POLR2K: variants seen among roughly 807,000 people sequenced by gnomAD.
POLR2K encodes DNA-directed RNA polymerases I, II, and III subunit RPABC4.
Under a neutral mutation model 10.1 loss-of-function variants are expected in POLR2K, and 9 were observed. The observed-to-expected ratio is 0.89, with a 90% CI of 0.54 to 1.56. The LOEUF is 1.56. Among genes scored for constraint, POLR2K ranks in the 40% most tolerant of loss-of-function variants. POLR2K has a pLI of 0.00. For synonymous variants in POLR2K, 19 were observed against 20.3 expected (o/e 0.94, Z 0.17); for missense variants, 53 against 71.9 (o/e 0.74, Z 0.95).
Position 100,151,844 on chromosome 8 carries a change from A to G in POLR2K, c.82A>G (p.Ile28Val). 1.3e-6 allele frequency: 2 copies of G among 1,552,714 alleles called. No individual in the cohort carries two copies. The highest frequency in any genetic ancestry group is 8.8e-7 in the Non-Finnish European group (1 of 1,134,688). Reference protein sequence around the residue: ...ICGECHTENEIKSRDPIRCRE... With the variant: ...ICGECHTENEVKSRDPIRCRE... ...TCTAGAGTGTCACACAGAAAATGAA[A>G]TAAAATCTAGGGATCCAATCAGATG... Residue 28 changes from isoleucine (I) to valine (V), a missense_variant, in exon 3 of 4, where the codon ATA becomes GTA. Ile to Val is a conservative substitution (Grantham distance 29). Transcript: ENST00000353107.
At position 100,153,312 on chromosome 8, in the gene POLR2K, G is replaced by A. The variant is rs758836631; in HGVS notation, c.173G>A (p.Arg58Gln). The change falls in exon 4 of 4, where the codon CGA (arginine) becomes CAA (glutamine). Residue 58 changes from arginine (R) to glutamine (Q), a missense_variant. Arg to Gln is a conservative substitution (Grantham distance 43). Coordinates refer to ENST00000353107, the MANE Select transcript of POLR2K (RefSeq NM_005034.4). Reference sequence around the variant, plus strand: ...AATACAGTGGTCGTTTTTGATGCTCGATGAATGCTGGGAATTCAGAGGAAT... The same window carrying A: ...AATACAGTGGTCGTTTTTGATGCTCAATGAATGCTGGGAATTCAGAGGAAT... ...RTKRLVVFDAR is the reference protein window; with the variant it reads ...RTKRLVVFDAQ 13 of 1,608,404 alleles carry A rather than the reference G, an allele frequency of 8.1e-6. No homozygotes were observed. The East Asian group carries it at 1.6e-4, about 19-fold the overall frequency.
At chr8:100,151,274 T>C in intron 1 of POLR2K, 73 bp from the exon 2 acceptor site, 1 of 977,338 alleles carries the variant, frequency 1.0e-6, no homozygotes, top group Non-Finnish European at 1.7e-6. Context: ...TAGCTTTTCC[T>C]GAGAAAAATG....
intron 3 of POLR2K, among the ~76,000 whole-genome samples, chr8:100,152,785 A>C (rs1814937376): frequency 6.6e-6 from 1 of 151,100 alleles, no homozygotes; most frequent in East Asian, 1.9e-4. Context: ...TTTTTTTTTG[A>C]GACGGAGTCT....
At chr8:100,150,838 CT>C in intron 1 of POLR2K, 129 bp downstream of exon 1, 1 of 157,652 alleles carries the variant, frequency 6.3e-6, no homozygotes, top group Non-Finnish European at 1.4e-5. Flanking sequence ...TGCTATCGCT[CT>C]TTTCCCTATT....
chr8:100,152,644 C>CAACA (rs1168754596), intron 3 of POLR2K, among the ~76,000 whole-genome samples: 1 of 152,138 alleles, frequency 6.6e-6, no homozygotes, highest in Non-Finnish European at 1.5e-5. Context: ...CCAGCCTGGG[C>CAACA]AACATAGTGT....
intron 1 of POLR2K, among the ~76,000 whole-genome samples, 152 bp downstream of exon 1, chr8:100,150,861 T>G (rs1220998257): frequency 2.6e-5 from 4 of 152,222 alleles, no homozygotes; most frequent in Non-Finnish European, 4.4e-5. Context: ...TCTTTTAGTT[T>G]AGATGTTTAG....
chr8:100,152,136 T>C, intron 3 of POLR2K: 1 of 580,590 alleles, frequency 1.7e-6, no homozygotes, highest in South Asian at 2.2e-5. Flanking sequence ...AGGGATTCTG[T>C]GCAGTCAAGC....
intron 3 of POLR2K, among the ~76,000 whole-genome samples, 191 bp from the exon 4 acceptor site, chr8:100,153,103 G>A (rs190218728): frequency 6.6e-6 from 1 of 152,256 alleles, no homozygotes; most frequent in East Asian, 1.9e-4. Flanking sequence ...TATGGAAAAG[G>A]TGGTAATAAA....
At chr8:100,151,438 A>C (rs1280646965) in intron 2 of POLR2K, 22 bp downstream of exon 2, 1 of 1,448,944 alleles carries the variant, frequency 6.9e-7, no homozygotes, top group African/African-American at 1.4e-5. Flanking sequence ...ACTTACCTAA[A>C]GTAAGAATAT....
chr8:100,151,907 A>G lies in POLR2K; in HGVS notation c.145A>G (p.Thr49Ala). The G allele has an allele frequency of 3.6e-6, 5 of 1,389,900 alleles. No individual in the cohort carries two copies. The highest frequency in any genetic ancestry group is 5.1e-6 in the Non-Finnish European group (5 of 977,142). 86.1% of individuals were successfully genotyped at this position (1,389,900 alleles called of 1,614,324 possible). ...CGYRIMYKKR[T>A]KRLVVFDAR is the part of the protein sequence containing the mutation. ...ATACAGAATAATGTACAAGAAAAGG[A>G]CTAAAAGATGTATCCTTTTAACGAT... is the stretch of plus-strand genomic sequence containing the variant. Residue 49 changes from threonine (T) to alanine (A), a missense_variant, in exon 3 of 4, where the codon ACT becomes GCT. Transcript: ENST00000353107.
chr8:100,153,209 T>C, intron 3 of POLR2K, 85 bp from the exon 4 acceptor site: 1 of 934,888 alleles, frequency 1.1e-6, no homozygotes, highest in East Asian at 2.7e-5. Flanking sequence ...ACAAACCAGC[T>C]TATTGCAAAG....
chr8:100,153,390 C>T lies in POLR2K; in HGVS notation c.*74C>T. 7.2e-7 allele frequency: 1 copy of T among 1,388,190 alleles called. No homozygotes were observed. 86.0% of individuals were successfully genotyped at this position (1,388,190 alleles called of 1,614,324 possible). A position where few individuals can be genotyped will look rare whatever the true frequency, so the allele number is the denominator to read the frequency against. On this transcript the variant is annotated 3_prime_UTR_variant, in exon 4 of 4. Coordinates refer to ENST00000353107, the MANE Select transcript of POLR2K (RefSeq NM_005034.4). Reference sequence around the variant, plus strand: ...CTTCCCATTTCTGATTGTTGTATAGCTTTCGATTTTGCTTACAGTAGTTCC... The same window carrying T: ...CTTCCCATTTCTGATTGTTGTATAGTTTTCGATTTTGCTTACAGTAGTTCC...
At position 100,153,264 on chromosome 8, in the gene POLR2K, C is replaced by T. The variant is rs201636115; in HGVS notation, c.155-30C>T. The T allele has an allele frequency of 7.7e-6, 12 of 1,568,118 alleles. No individual in the cohort carries two copies. The East Asian group carries it at 1.1e-4, about 15-fold the overall frequency. The stretch of plus-strand genomic sequence containing the variant: ...TTCAGTCTTAATAATGTTTAAGTAC[C>T]GTTTTTGTCCTTAACTCAAATTAAT... On this transcript the variant is annotated intron_variant, in intron 3 of 3. Transcript: ENST00000353107.
At chr8:100,152,137 G>A (rs1162313636) in intron 3 of POLR2K, 2 of 580,284 alleles carry the variant, frequency 3.4e-6, no homozygotes, top group Non-Finnish European at 6.0e-6. Flanking sequence ...GGGATTCTGT[G>A]CAGTCAAGCT....
At chr8:100,152,154 T>C in intron 3 of POLR2K, 2 of 574,210 alleles carry the variant, frequency 3.5e-6, no homozygotes, top group South Asian at 2.2e-5. Context: ...AGCTTGAGGA[T>C]AGGGATACAT....
Position 100,153,572 on chromosome 8 carries a change from A to G in POLR2K, c.*256A>G. ...AGCAAGAGATTAATAATAATGTAATAGAACAATGATAACATACTATAATAA... is the reference window on the plus strand; with the variant it reads ...AGCAAGAGATTAATAATAATGTAATGGAACAATGATAACATACTATAATAA... On this transcript the variant is annotated 3_prime_UTR_variant, in exon 4 of 4. Transcript: ENST00000353107. 1 of 347,434 alleles carries G rather than the reference A, an allele frequency of 2.9e-6. No individual in the cohort carries two copies. The highest frequency in any genetic ancestry group is 4.8e-5 in the East Asian group (1 of 20,980). The allele number at this position is 347,434 out of a possible 1,614,324, so 21.5% of individuals were successfully genotyped here. A position where few individuals can be genotyped will look rare whatever the true frequency, so the allele number is the denominator to read the frequency against.
At chr8:100,152,066 A>G (rs956777421) in intron 3 of POLR2K, 150 bp downstream of exon 3, 7 of 642,924 alleles carry the variant, frequency 1.1e-5, no homozygotes, top group East Asian at 9.0e-5. Context: ...GGACCAATGC[A>G]TAGGCTCTAA....
rs779653230 is a variant in POLR2K at position 100,151,311 on chromosome 8, T to G, written c.-9-36T>G. 3 of 1,373,050 alleles carry G rather than the reference T, an allele frequency of 2.2e-6. No individual in the cohort carries two copies. The Admixed American group carries it at 5.0e-5, about 23-fold the overall frequency. The allele number at this position is 1,373,050 out of a possible 1,614,324, so 85.1% of individuals were successfully genotyped here. A position where few individuals can be genotyped will look rare whatever the true frequency, so the allele number is the denominator to read the frequency against. ...GCCCGGATGGACTTGTGAGAAGCCC[T>G]TTTGAGATATTCAGTATTTGAGTCT... On this transcript the variant is annotated intron_variant, in intron 1 of 3. Coordinates refer to ENST00000353107, the MANE Select transcript of POLR2K (RefSeq NM_005034.4).
chr8:100,152,198 T>C (rs1814929243), intron 3 of POLR2K: 1 of 545,766 alleles, frequency 1.8e-6, no homozygotes, highest in South Asian at 2.3e-5. Context: ...ATTTCATCAT[T>C]CCTACAGAAA....
Sources: allele counts gnomAD v4.1 joint callset (sites outside exome capture counted in the v4.1 genomes callset), GRCh38; gene constraint gnomAD v4.1.1; transcripts MANE v1.5; gene names NCBI Gene and HGNC (gene_info 2026-07-23, HGNC 2026-07-21).